Variants in CSMD1 observed in about 807,000 individuals in gnomAD.
CSMD1 encodes CUB and sushi domain-containing protein 1.
Under a neutral mutation model 417.5 loss-of-function variants are expected in CSMD1, and 213 were observed. The observed-to-expected ratio is 0.51, with a 90% CI of 0.46 to 0.57. The LOEUF is 0.57. Ranked by LOEUF, CSMD1 falls within the 20% of genes least tolerant of loss-of-function variation. The pLI, the probability that CSMD1 is intolerant of heterozygous loss-of-function variation, is 0.00. For synonymous variants in CSMD1, 2,862 were observed against 1,736.8 expected (o/e 1.65, Z -16.11); for missense variants, 6,923 against 4,529.7 (o/e 1.53, Z -15.17).
intron 17 of CSMD1, among the ~76,000 whole-genome samples, chr8:3,393,264 G>A (rs981157461): frequency 2.0e-5 from 3 of 152,134 alleles, no homozygotes; most frequent in South Asian, 2.1e-4. Flanking sequence ...AGTTCCAAAC[G>A]CAACAATTTC....
intron 62 of CSMD1, among the ~76,000 whole-genome samples, chr8:2,958,935 G>C (rs1218174295): frequency 6.6e-6 from 1 of 152,212 alleles, no homozygotes; most frequent in Non-Finnish European, 1.5e-5. Context: ...TGAATAGTGT[G>C]AAAGGATATC....
intron 3 of CSMD1, among the ~76,000 whole-genome samples, chr8:4,154,829 A>C (rs1195339153): frequency 6.6e-6 from 1 of 152,090 alleles, no homozygotes; most frequent in African/African-American, 2.4e-5. Flanking sequence ...GCACGATTAT[A>C]AATTAGTGAA....
chr8:3,772,550 TAC>T (rs1381772059), intron 5 of CSMD1, among the ~76,000 whole-genome samples: 33 of 63,558 alleles, frequency 5.2e-4, no homozygotes, highest in South Asian at 9.4e-4. Context: ...TACACATATA[TAC>T]ATATATACAT....
At chr8:4,761,889 ACC>A (rs1563319343) in intron 1 of CSMD1, among the ~76,000 whole-genome samples, 1,449 of 72,000 alleles carry the variant, frequency 0.02, 11 homozygotes, top group Admixed American at 0.028. Context: ...CTATCTATCT[ACC>A]TACCTATCTA....
chr8:4,398,241 G>A (rs935645624), intron 3 of CSMD1, among the ~76,000 whole-genome samples: 1 of 152,168 alleles, frequency 6.6e-6, no homozygotes, highest in Non-Finnish European at 1.5e-5. Context: ...TCACTCCAAG[G>A]AGGCTGTTGT....
chr8:4,347,285 C>G (rs1800827413), intron 3 of CSMD1, among the ~76,000 whole-genome samples: 1 of 152,108 alleles, frequency 6.6e-6, no homozygotes, highest in African/African-American at 2.4e-5. Flanking sequence ...TTGGCCCTCT[C>G]TAAACAGCAG....
intron 3 of CSMD1, among the ~76,000 whole-genome samples, chr8:4,093,925 G>T (rs1302468145): frequency 6.6e-6 from 1 of 151,866 alleles, no homozygotes; most frequent in Non-Finnish European, 1.5e-5. Flanking sequence ...GCGCCATTAC[G>T]CTCCAACCTG....
intron 5 of CSMD1, among the ~76,000 whole-genome samples, chr8:3,777,698 C>T (rs1443366315): frequency 6.6e-6 from 1 of 152,216 alleles, no homozygotes; most frequent in African/African-American, 2.4e-5. Flanking sequence ...GCCAGACCTG[C>T]GGCCTCCTTC....
chr8:4,166,795 G>A (rs923157957), intron 3 of CSMD1, among the ~76,000 whole-genome samples: 1 of 151,962 alleles, frequency 6.6e-6, no homozygotes, highest in Non-Finnish European at 1.5e-5. Context: ...AAATGATCAG[G>A]GTGTGTTTAA....
intron 2 of CSMD1, among the ~76,000 whole-genome samples, chr8:4,580,336 T>C (rs1671400980): frequency 6.6e-6 from 1 of 152,226 alleles, no homozygotes; most frequent in Admixed American, 6.5e-5. Flanking sequence ...ACATGAGCCC[T>C]GTATCATATA....
At chr8:3,571,099 A>G (rs980904057) in intron 10 of CSMD1, among the ~76,000 whole-genome samples, 2 of 152,208 alleles carry the variant, frequency 1.3e-5, no homozygotes, top group African/African-American at 2.4e-5. Context: ...CTGTAATGGC[A>G]CTTACAGGTG....
chr8:3,421,689 G>C lies in CSMD1; in HGVS notation c.1562-12084C>G, dbSNP rs565188810. On this transcript the variant is annotated intron_variant, in intron 12 of 69. Coordinates refer to ENST00000635120, the MANE Select transcript of CSMD1 (RefSeq NM_033225.6). ...GTCTTGCTCTGTTGCCCAGACTGCAGTGCACTGCTGTAATCTTGGCTCGCT... is the reference window on the plus strand; with the variant it reads ...GTCTTGCTCTGTTGCCCAGACTGCACTGCACTGCTGTAATCTTGGCTCGCT... Among the ~76,000 whole-genome samples the C allele has an allele frequency of 2.0e-5, 3 of 152,270 alleles. No homozygotes were observed. In the South Asian group the frequency reaches 6.2e-4, roughly 32 times the overall value.
intron 2 of CSMD1, among the ~76,000 whole-genome samples, chr8:4,567,682 A>AT (rs1254531209): frequency 6.6e-6 from 1 of 152,126 alleles, no homozygotes; most frequent in Non-Finnish European, 1.5e-5. Flanking sequence ...CCAGATGCTG[A>AT]TTTTCACAAT....
chr8:4,608,209 G>T (rs1013329255), intron 2 of CSMD1, among the ~76,000 whole-genome samples: 3 of 152,164 alleles, frequency 2.0e-5, no homozygotes, highest in African/African-American at 7.2e-5. Flanking sequence ...CTCCAAAGGG[G>T]TGGAAATCCA....
chr8:4,421,151 T>C (rs1028638548), intron 2 of CSMD1, among the ~76,000 whole-genome samples: 3 of 152,186 alleles, frequency 2.0e-5, no homozygotes, highest in Middle Eastern at 3.2e-3. Flanking sequence ...AAAGAAACCA[T>C]TGTCATACCA....
At chr8:3,204,181 T>A (rs1797127022) in intron 31 of CSMD1, among the ~76,000 whole-genome samples, 1 of 152,188 alleles carries the variant, frequency 6.6e-6, no homozygotes. Context: ...GTGATTAAAC[T>A]TTTCAAATTG....
intron 12 of CSMD1, among the ~76,000 whole-genome samples, chr8:3,410,342 C>T (rs1485027515): frequency 6.6e-6 from 1 of 152,162 alleles, no homozygotes; most frequent in African/African-American, 2.4e-5. Context: ...GAGACAAAAT[C>T]CTCGCACACA....
chr8:4,690,127 G>C (rs976815213), intron 1 of CSMD1, among the ~76,000 whole-genome samples: 3 of 152,160 alleles, frequency 2.0e-5, no homozygotes, highest in Admixed American at 6.5e-5. Context: ...TCATGATATT[G>C]TGAAAGACTT....
At chr8:4,260,118 T>C (rs1016122611) in intron 3 of CSMD1, among the ~76,000 whole-genome samples, 2 of 152,140 alleles carry the variant, frequency 1.3e-5, no homozygotes, top group Non-Finnish European at 2.9e-5. Flanking sequence ...CTTCAACAAA[T>C]TGCTAAGTCA....
Sources: allele counts gnomAD v4.1 joint callset (sites outside exome capture counted in the v4.1 genomes callset), GRCh38; gene constraint gnomAD v4.1.1; transcripts MANE v1.5; gene names NCBI Gene and HGNC (gene_info 2026-07-23, HGNC 2026-07-21).